KIF13B: variants seen among roughly 807,000 people sequenced by gnomAD.
KIF13B encodes the protein kinesin family member 13B, also known as kinesin-like protein KIF13B.
In KIF13B, 127 loss-of-function variants were observed where a neutral mutation model predicts 222.0. The ratio of observed to expected loss-of-function variants is 0.57; its 90% CI spans 0.50 to 0.66. The LOEUF is 0.66. Among genes scored for constraint, KIF13B ranks in the 30% least tolerant of loss-of-function variants. The pLI is 0.00. For synonymous variants in KIF13B, 976 were observed against 919.0 expected (o/e 1.06, Z -1.12); for missense variants, 2,173 against 2,379.0 (o/e 0.91, Z 1.80).
chr8:29,128,721 C>T (rs539365163), intron 24 of KIF13B, among the ~76,000 whole-genome samples: 2 of 152,274 alleles, frequency 1.3e-5, no homozygotes, highest in Non-Finnish European at 2.9e-5. Flanking sequence ...CAATGGTTTA[C>T]TGTTCCACAG....
chr8:29,096,008 G>T (rs1446753542), intron 36 of KIF13B, among the ~76,000 whole-genome samples: 4 of 149,266 alleles, frequency 2.7e-5, no homozygotes, highest in Non-Finnish European at 4.4e-5. Flanking sequence ...TTAAGACAGA[G>T]TCTCACTCTG....
chr8:29,083,623 C>T (rs370289037), intron 37 of KIF13B, among the ~76,000 whole-genome samples: 6 of 152,272 alleles, frequency 3.9e-5, no homozygotes, highest in East Asian at 3.9e-4. Flanking sequence ...TGGGGCAAGG[C>T]TAGACAGCAA....
intron 35 of KIF13B, among the ~76,000 whole-genome samples, chr8:29,105,649 G>GTTTTTT (rs1491222066): frequency 1.4e-5 from 1 of 70,326 alleles, no homozygotes; most frequent in Non-Finnish European, 2.9e-5. Flanking sequence ...GAGTTTGTTT[G>GTTTTTT]GTTTTTTTTT....
chr8:29,130,425 A>G, intron 24 of KIF13B, 108 bp downstream of exon 24: 2 of 1,138,232 alleles, frequency 1.8e-6, no homozygotes, highest in South Asian at 2.7e-5. Context: ...TAAGAAATGG[A>G]CTTGGCCAGT....
At chr8:29,240,920 A>G (rs1472919675) in intron 2 of KIF13B, among the ~76,000 whole-genome samples, 1 of 152,204 alleles carries the variant, frequency 6.6e-6, no homozygotes, top group Non-Finnish European at 1.5e-5. Context: ...AAATGTTCAG[A>G]ATACAGTTAT....
Position 29,070,615 on chromosome 8 carries a change from C to T in KIF13B, c.5370G>A (p.Arg1790=). 1.3e-6 allele frequency: 2 copies of T among 1,584,724 alleles called. No individual in the cohort carries two copies. The highest frequency in any genetic ancestry group is 8.6e-7 in the Non-Finnish European group (1 of 1,165,192). Residue 1790 remains arginine (R), a synonymous_variant, in exon 40 of 40, where the codon CGG becomes CGA. Transcript: ENST00000524189. The surrounding 1 kb of genome is among the most constrained non-coding windows in gnomAD (Gnocchi z 4.1). The part of the protein sequence containing the change: ...GLRLGAPEAR[R]SATLSGSATN... ...TGGCGGAGCCCGAGAGGGTGGCGCT[C>T]CGGCGGGCCTCGGGGGCACCCAGCC...
At chr8:29,176,264 GC>G (rs1812472767) in intron 9 of KIF13B, 85 bp from the exon 10 acceptor site, 1 of 808,304 alleles carries the variant, frequency 1.2e-6, no homozygotes, top group Non-Finnish European at 2.1e-6. Flanking sequence ...ACACTAAGAT[GC>G]CCTTGTACCT....
chr8:29,244,502 G>C (rs943084830), intron 2 of KIF13B, among the ~76,000 whole-genome samples: 1 of 152,176 alleles, frequency 6.6e-6, no homozygotes, highest in Non-Finnish European at 1.5e-5. Context: ...GAAAAGGTCA[G>C]CCTATCCCCA....
chr8:29,167,849 A>C (rs1812074165), intron 10 of KIF13B, among the ~76,000 whole-genome samples: 1 of 152,200 alleles, frequency 6.6e-6, no homozygotes, highest in South Asian at 2.1e-4. Context: ...GTTTAACACA[A>C]ATTAATTCTA....
At chr8:29,243,597 A>C (rs1815879900) in intron 2 of KIF13B, among the ~76,000 whole-genome samples, 1 of 151,020 alleles carries the variant, frequency 6.6e-6, no homozygotes, top group African/African-American at 2.4e-5. Flanking sequence ...CGGAGGCTGG[A>C]GTGAGCCGAG....
intron 14 of KIF13B, among the ~76,000 whole-genome samples, chr8:29,155,385 T>TGAG (rs530849693): frequency 1.3e-5 from 2 of 152,098 alleles, no homozygotes; most frequent in African/African-American, 4.8e-5. Context: ...TGGCAGGTGC[T>TGAG]GAGGAGGAGG....
At chr8:29,262,862 C>T in intron 1 of KIF13B, 118 bp downstream of exon 1, 1 of 749,160 alleles carries the variant, frequency 1.3e-6, no homozygotes, top group Non-Finnish European at 2.0e-6. Context: ...GGCCCCTCCT[C>T]GCGCCCCGCC....
intron 17 of KIF13B, 118 bp from the exon 18 acceptor site, chr8:29,146,658 G>T: frequency 1.1e-6 from 1 of 888,670 alleles, no homozygotes; most frequent in Non-Finnish European, 1.7e-6. Flanking sequence ...TTTTTCCGTG[G>T]TCGTCTGCAC....
chr8:29,152,914 T>C (rs944943849), intron 14 of KIF13B, among the ~76,000 whole-genome samples: 2 of 152,226 alleles, frequency 1.3e-5, no homozygotes, highest in Non-Finnish European at 2.9e-5. Context: ...TATATTAAGA[T>C]ATAATGTTAT....
intron 23 of KIF13B, among the ~76,000 whole-genome samples, chr8:29,131,416 G>C (rs1278665356): frequency 1.3e-5 from 2 of 151,812 alleles, no homozygotes; most frequent in Non-Finnish European, 2.9e-5. Context: ...ATATGCTTCA[G>C]TGATGTGCCA....
chr8:29,237,982 A>G (rs937269565), intron 2 of KIF13B, among the ~76,000 whole-genome samples: 2 of 152,212 alleles, frequency 1.3e-5, no homozygotes, highest in Admixed American at 1.3e-4. Flanking sequence ...TCCCTGAGGA[A>G]GAGCCCCATT....
At chr8:29,127,783 A>G (rs1810178675) in intron 24 of KIF13B, among the ~76,000 whole-genome samples, 1 of 152,230 alleles carries the variant, frequency 6.6e-6, no homozygotes, top group East Asian at 1.9e-4. Context: ...TCAACTTTCC[A>G]GAGAGCTAAG....
At chr8:29,134,314 G>C (rs1047697742) in intron 21 of KIF13B, 104 bp from the exon 22 acceptor site, 28 of 1,070,370 alleles carry the variant, frequency 2.6e-5, no homozygotes, top group Non-Finnish European at 3.9e-5. Flanking sequence ...AGGTGCTTAT[G>C]ATATTTATGT....
chr8:29,148,491 C>T (rs1811158452), intron 16 of KIF13B, 86 bp downstream of exon 16: 1 of 967,342 alleles, frequency 1.0e-6, no homozygotes, highest in African/African-American at 1.7e-5. Flanking sequence ...CTCACTGCAG[C>T]CTGGAACTCC....
Sources: allele counts gnomAD v4.1 joint callset (sites outside exome capture counted in the v4.1 genomes callset), GRCh38; gene constraint gnomAD v4.1.1; non-coding constraint Gnocchi (gnomAD v3.1); transcripts MANE v1.5; gene names NCBI Gene and HGNC (gene_info 2026-07-23, HGNC 2026-07-21).